The following GNL3L variants were observed in gnomAD, a reference collection of about 807,000 sequenced individuals.
GNL3L encodes the protein G protein nucleolar 3 like, also known as guanine nucleotide-binding protein-like 3-like protein.
Under a neutral mutation model 42.9 loss-of-function variants are expected in GNL3L, and 4 were observed. That is an observed-to-expected ratio of 0.09 (90% confidence interval 0.05 to 0.21). GNL3L has a LOEUF of 0.21. Ranked by LOEUF, GNL3L falls within the 10% of genes least tolerant of loss-of-function variation. GNL3L has a pLI of 1.00. For synonymous variants in GNL3L, 159 were observed against 176.3 expected (o/e 0.90, Z 0.78); for missense variants, 412 against 481.7 (o/e 0.86, Z 1.36).
intron 14 of GNL3L, 27 bp downstream of exon 14, chrX:54,554,719 C>T: frequency 8.4e-7 from 1 of 1,185,526 alleles, no homozygotes; most frequent in Non-Finnish European, 1.1e-6. Context: ...TTCATGGCAA[C>T]CCTCTTCTCT....
At chrX:54,582,198 A>G (rs1014102019) in intron 16 of GNL3L, among the ~76,000 whole-genome samples, 2 of 110,933 alleles carry the variant, frequency 1.8e-5, no homozygotes, top group Non-Finnish European at 3.8e-5. Context: ...GCTGATTGTC[A>G]AGAGCTGATT....
chrX:54,548,431 T>A (rs1424700621), intron 9 of GNL3L, 58 bp downstream of exon 9: 2 of 956,682 alleles, frequency 2.1e-6, no homozygotes, highest in African/African-American at 3.9e-5. Context: ...GACACTTCGC[T>A]GGGGGAAAGG....
chrX:54,557,214 TC>T (rs1925120290), intron 14 of GNL3L, among the ~76,000 whole-genome samples: 1 of 108,612 alleles, frequency 9.2e-6, no homozygotes, highest in Non-Finnish European at 1.9e-5. Context: ...GTCACTCATT[TC>T]TCTGTCCCAG....
At chrX:54,608,301 A>G (rs1461081155) in intron 16 of GNL3L, among the ~76,000 whole-genome samples, 4 of 111,707 alleles carry the variant, frequency 3.6e-5, no homozygotes, top group Non-Finnish European at 7.5e-5. Flanking sequence ...TTTAAATTAA[A>G]ATTTTTTATT....
chrX:54,614,704 T>A (rs1287421775), intron 16 of GNL3L, among the ~76,000 whole-genome samples: 1 of 110,907 alleles, frequency 9.0e-6, no homozygotes, highest in Non-Finnish European at 1.9e-5. Flanking sequence ...CCAATGGGAG[T>A]GTGTGTTCAG....
At chrX:54,626,075 A>G (rs1474504303), downstream of GNL3L, among the ~76,000 whole-genome samples, 1 of 111,406 alleles carries the variant, frequency 9.0e-6, no homozygotes, top group African/African-American at 3.3e-5. Context: ...AAAATATACA[A>G]TAAATTGTAG....
At chrX:54,559,102 G>A (rs1380938388) in intron 15 of GNL3L, among the ~76,000 whole-genome samples, 1 of 111,596 alleles carries the variant, frequency 9.0e-6, no homozygotes, top group East Asian at 2.8e-4. Flanking sequence ...TTCCCTGGAG[G>A]GTTTGTTAAA....
chrX:54,558,693 C>G, intron 15 of GNL3L, 38 bp downstream of exon 15: 1 of 994,883 alleles, frequency 1.0e-6, no homozygotes, highest in African/African-American at 1.9e-5. Context: ...CTGAAAGGGG[C>G]CCACATGGGA....
chrX:54,585,364 C>CA (rs1432999364), intron 16 of GNL3L, among the ~76,000 whole-genome samples: 1 of 110,247 alleles, frequency 9.1e-6, no homozygotes, highest in Non-Finnish European at 1.9e-5. Flanking sequence ...TGGTATAAAT[C>CA]ACTAGTGAAA....
At chrX:54,604,722 A>G (rs1926039762) in intron 16 of GNL3L, among the ~76,000 whole-genome samples, 1 of 112,040 alleles carries the variant, frequency 8.9e-6, no homozygotes, top group African/African-American at 3.2e-5. Flanking sequence ...GAACAGCAGA[A>G]CTCTGAAATT....
the GNL3L span, among the ~76,000 whole-genome samples, chrX:54,632,677 G>A: frequency 1.8e-5 from 2 of 111,176 alleles, no homozygotes; most frequent in Non-Finnish European, 3.8e-5. Context: ...CCTGTATTAT[G>A]TTTTTAATTT....
chrX:54,636,514 C>T, the GNL3L span, among the ~76,000 whole-genome samples: 1 of 110,721 alleles, frequency 9.0e-6, no homozygotes, highest in African/African-American at 3.3e-5. Flanking sequence ...GTTTTTCAAC[C>T]CTGGCCCCCT....
intron 16 of GNL3L, among the ~76,000 whole-genome samples, chrX:54,608,970 A>G (rs1367161758): frequency 8.9e-6 from 1 of 111,965 alleles, no homozygotes; most frequent in Non-Finnish European, 1.9e-5. Flanking sequence ...CATTCCCATC[A>G]GCAGTGTAGA....
chrX:54,632,541 GTTCTA>G, the GNL3L span, among the ~76,000 whole-genome samples: 12 of 109,851 alleles, frequency 1.1e-4, no homozygotes, highest in East Asian at 3.1e-3. Context: ...TCTTCTACTT[GTTCTA>G]TTCTATTGTT....
At chrX:54,532,489 C>T in intron 1 of GNL3L, 31 bp from the exon 2 acceptor site, 2 of 813,942 alleles carry the variant, frequency 2.5e-6, no homozygotes, top group Non-Finnish European at 3.7e-6. Flanking sequence ...TCCCAGCTGT[C>T]TTCAAATTGC....
At chrX:54,591,166 T>C (rs767189230) in intron 16 of GNL3L, among the ~76,000 whole-genome samples, 1 of 111,477 alleles carries the variant, frequency 9.0e-6, no homozygotes, top group African/African-American at 3.3e-5. Flanking sequence ...GCATTTTGAT[T>C]TGTTTTTTGT....
chrX:54,591,491 G>A (rs1386700085), intron 16 of GNL3L, among the ~76,000 whole-genome samples: 2 of 108,809 alleles, frequency 1.8e-5, no homozygotes, highest in African/African-American at 3.4e-5. Flanking sequence ...TACTCAGGAG[G>A]CTAAGGCAGG....
chrX:54,591,678 T>C (rs1374552645), intron 16 of GNL3L, among the ~76,000 whole-genome samples: 2 of 110,977 alleles, frequency 1.8e-5, no homozygotes, highest in African/African-American at 6.6e-5. Context: ...TCTATGTGTG[T>C]GTTTTTATGC....
chrX:54,645,073 G>A, the GNL3L span, among the ~76,000 whole-genome samples: 4 of 111,482 alleles, frequency 3.6e-5, no homozygotes, highest in Non-Finnish European at 5.7e-5. Context: ...TTACCAGTAC[G>A]TCACTAAATC....
Sources: allele counts gnomAD v4.1 joint callset (sites outside exome capture counted in the v4.1 genomes callset), GRCh38; gene constraint gnomAD v4.1.1; transcripts MANE v1.5; gene names NCBI Gene and HGNC (gene_info 2026-07-23, HGNC 2026-07-21).